The following LHFPL3 variants were observed in gnomAD, a reference collection of about 807,000 sequenced individuals.
LHFPL3 encodes the protein LHFPL tetraspan subfamily member 3, also known as LHFPL tetraspan subfamily member 3 protein.
In LHFPL3, 5 loss-of-function variants were observed where a neutral mutation model predicts 19.3. The observed-to-expected ratio is 0.26, with a 90% CI of 0.14 to 0.54. LHFPL3 has a LOEUF of 0.54. Among genes scored for constraint, LHFPL3 ranks in the 20% least tolerant of loss-of-function variants. LHFPL3 has a pLI of 0.94. For synonymous variants in LHFPL3, 133 were observed against 126.2 expected, an observed-to-expected ratio of 1.05 and a Z score of -0.36; for missense variants, 249 against 307.4, an observed-to-expected ratio of 0.81 and a Z score of 1.42.
intron 1 of LHFPL3, among the ~76,000 whole-genome samples, chr7:104,451,519 ACGAT>A (rs1275892438): frequency 3.9e-5 from 6 of 152,228 alleles, no homozygotes; most frequent in East Asian, 1.9e-4. Context: ...ATACATAAAA[ACGAT>A]CAAACGATAC....
intron 2 of LHFPL3, among the ~76,000 whole-genome samples, chr7:104,755,684 GTTTC>G (rs1019873945): frequency 1.3e-4 from 19 of 151,714 alleles, no homozygotes; most frequent in African/African-American, 3.6e-4. Flanking sequence ...TTTGTTGTTT[GTTTC>G]TTTGTTTGTT....
intron 1 of LHFPL3, among the ~76,000 whole-genome samples, chr7:104,385,174 A>T (rs1790913831): frequency 6.6e-6 from 1 of 152,196 alleles, no homozygotes; most frequent in Non-Finnish European, 1.5e-5. Context: ...AGATCTGAAT[A>T]GTTTATCAGG....
At chr7:104,808,691 T>C (rs934908718) in intron 2 of LHFPL3, among the ~76,000 whole-genome samples, 1 of 152,168 alleles carries the variant, frequency 6.6e-6, no homozygotes. Flanking sequence ...CATCAACTTG[T>C]AGTAATTACA....
chr7:104,736,709 T>C lies in LHFPL3; in HGVS notation c.480T>C (p.Pro160=). Residue 160 remains proline, a synonymous_variant, in exon 2 of 3, where the codon CCT becomes CCC. Transcript: ENST00000424859. ...ACLVLGCMIF[P]DGWDSDEVKR... ...TTGTGCTTGGCTGTATGATTTTCCC[T>C]GATGGCTGGGACTCAGATGAAGTAA... The C allele has an allele frequency of 6.2e-7, 1 of 1,613,658 alleles. No individual in the cohort carries two copies. Among genetic ancestry groups the C allele is most frequent in the South Asian group, 1.1e-5 (1 of 90,960 alleles).
intron 1 of LHFPL3, among the ~76,000 whole-genome samples, chr7:104,427,735 G>A (rs1791876350): frequency 6.6e-6 from 1 of 152,236 alleles, no homozygotes; most frequent in Non-Finnish European, 1.5e-5. Context: ...AGTGGTTGAT[G>A]TGGAATCAGA....
At chr7:104,744,002 A>C (rs1793990117) in intron 2 of LHFPL3, 1 of 150,750 alleles carries the variant, frequency 6.6e-6, no homozygotes, top group African/African-American at 2.4e-5. Flanking sequence ...CACACCCTGC[A>C]AATTTTTTTT....
At chr7:104,681,932 C>T (rs1337584839) in intron 1 of LHFPL3, among the ~76,000 whole-genome samples, 1 of 152,118 alleles carries the variant, frequency 6.6e-6, no homozygotes, top group East Asian at 1.9e-4. Context: ...CCAGATTCTG[C>T]CATCAGCATA....
intron 1 of LHFPL3, among the ~76,000 whole-genome samples, chr7:104,393,995 G>A (rs1002521903): frequency 1.3e-5 from 2 of 152,156 alleles, no homozygotes; most frequent in African/African-American, 4.8e-5. Flanking sequence ...TTGGGAGGCT[G>A]ATGAGAAGGT....
chr7:104,774,607 A>G (rs1794611646), intron 2 of LHFPL3, among the ~76,000 whole-genome samples: 1 of 152,214 alleles, frequency 6.6e-6, no homozygotes. Context: ...AATCTCAGTA[A>G]AGCCTCTAAG....
At chr7:104,595,212 A>G (rs1026568170) in intron 1 of LHFPL3, among the ~76,000 whole-genome samples, 2 of 152,230 alleles carry the variant, frequency 1.3e-5, no homozygotes, top group African/African-American at 4.8e-5. Context: ...GGTGACGTAC[A>G]GATGGGGTTT....
intron 1 of LHFPL3, among the ~76,000 whole-genome samples, chr7:104,640,085 A>G (rs1791803424): frequency 6.6e-6 from 1 of 152,200 alleles, no homozygotes; most frequent in Non-Finnish European, 1.5e-5. Context: ...CTATAGAACC[A>G]GAGTTCTTAA....
At chr7:104,500,917 G>A (rs976710980) in intron 1 of LHFPL3, among the ~76,000 whole-genome samples, 3 of 152,156 alleles carry the variant, frequency 2.0e-5, no homozygotes, top group African/African-American at 7.2e-5. Context: ...AAATGTCCCT[G>A]AGATGCCCTC....
chr7:104,357,775 C>T (rs542482270), intron 1 of LHFPL3, among the ~76,000 whole-genome samples: 1 of 151,280 alleles, frequency 6.6e-6, no homozygotes, highest in South Asian at 2.1e-4. Flanking sequence ...CCTCCTCCTC[C>T]TTCTCCTGCT....
intron 2 of LHFPL3, chr7:104,768,873 C>T (rs980374475): frequency 3.3e-5 from 5 of 152,194 alleles, no homozygotes; most frequent in African/African-American, 1.2e-4. Flanking sequence ...CACATGCAAA[C>T]ACAGCCATTG....
At chr7:104,330,845 T>G (rs1314651110) in intron 1 of LHFPL3, among the ~76,000 whole-genome samples, 1 of 152,228 alleles carries the variant, frequency 6.6e-6, no homozygotes. Flanking sequence ...ATGGCTGTTC[T>G]TGACACTTAG....
At chr7:104,565,351 A>C (rs2115967515) in intron 1 of LHFPL3, among the ~76,000 whole-genome samples, 1 of 152,372 alleles carries the variant, frequency 6.6e-6, no homozygotes, top group Non-Finnish European at 1.5e-5. Flanking sequence ...AGTACATTTA[A>C]GATGCTAATG....
chr7:104,339,011 G>C (rs1195647631), intron 1 of LHFPL3, among the ~76,000 whole-genome samples: 1 of 152,208 alleles, frequency 6.6e-6, no homozygotes, highest in East Asian at 1.9e-4. Flanking sequence ...ACTTTGGGAG[G>C]CCGAGGCGGG....
chr7:104,672,057 A>ATGTGTG (rs71968211), intron 1 of LHFPL3, among the ~76,000 whole-genome samples: 3,929 of 86,400 alleles, frequency 0.045, 157 homozygotes, highest in African/African-American at 0.12. Context: ...TTTAACTTCC[A>ATGTGTG]AGTGTGTGTG....
At chr7:104,688,775 T>C (rs570248165) in intron 1 of LHFPL3, among the ~76,000 whole-genome samples, 1 of 152,148 alleles carries the variant, frequency 6.6e-6, no homozygotes. Context: ...GTGGTTCAGA[T>C]TGTGGCCCAC....
Sources: allele counts gnomAD v4.1 joint callset (sites outside exome capture counted in the v4.1 genomes callset), GRCh38; gene constraint gnomAD v4.1.1; transcripts MANE v1.5; gene names NCBI Gene and HGNC (gene_info 2026-07-23, HGNC 2026-07-21).